Variants in PRR16 observed in about 807,000 individuals in gnomAD.
PRR16 encodes the protein protein Largen.
Under a neutral mutation model 18.2 loss-of-function variants are expected in PRR16, and 6 were observed. That is an observed-to-expected ratio of 0.33 (90% CI 0.18 to 0.65). The LOEUF (loss-of-function observed/expected upper bound fraction) is 0.65, where lower values mean the gene tolerates loss of function less well. PRR16 is among the 30% of genes least tolerant of loss of function. The pLI, the probability that PRR16 is intolerant of heterozygous loss-of-function variation, is 0.74. For synonymous variants in PRR16, 151 were observed against 147.8 expected, an observed-to-expected ratio of 1.02 and a Z score of -0.16; for missense variants, 412 against 376.6, an observed-to-expected ratio of 1.09 and a Z score of -0.78.
chr5:120,539,870 G>T (rs13165484), intron 1 of PRR16, among the ~76,000 whole-genome samples: 4 of 151,864 alleles, frequency 2.6e-5, no homozygotes, highest in African/African-American at 9.7e-5. Flanking sequence ...TAGTTAACAT[G>T]TGTAATGGTA....
chr5:120,509,908 C>T (rs1472820278), intron 1 of PRR16, among the ~76,000 whole-genome samples: 1 of 151,926 alleles, frequency 6.6e-6, no homozygotes, highest in Non-Finnish European at 1.5e-5. Flanking sequence ...TTTTCTGCGA[C>T]GTGATCCCAA....
intron 1 of PRR16, among the ~76,000 whole-genome samples, chr5:120,545,939 A>G (rs956528168): frequency 1.3e-5 from 2 of 152,062 alleles, no homozygotes; most frequent in Admixed American, 1.3e-4. Context: ...TTTTGTATTG[A>G]TTTTGATAGC....
chr5:120,749,606 A>G, the PRR16 span, among the ~76,000 whole-genome samples: 1 of 152,112 alleles, frequency 6.6e-6, no homozygotes, highest in African/African-American at 2.4e-5. Flanking sequence ...GGCATTTTCA[A>G]TCTCTTTGCA....
chr5:120,474,527 T>A (rs940701792), intron 1 of PRR16, among the ~76,000 whole-genome samples: 1 of 152,160 alleles, frequency 6.6e-6, no homozygotes, highest in Non-Finnish European at 1.5e-5. Context: ...CCTTTTTCTT[T>A]CTTTATGCTT....
At chr5:120,613,930 G>A (rs548022141) in intron 1 of PRR16, among the ~76,000 whole-genome samples, 21 of 152,302 alleles carry the variant, frequency 1.4e-4, no homozygotes, top group African/African-American at 4.8e-4. Context: ...AGATGAGTAA[G>A]AGGTTATTAA....
intron 1 of PRR16, among the ~76,000 whole-genome samples, chr5:120,592,137 T>C (rs1193458410): frequency 6.6e-6 from 1 of 152,174 alleles, no homozygotes; most frequent in Non-Finnish European, 1.5e-5. Flanking sequence ...AGTTTTGCCA[T>C]ACATAATGAT....
chr5:120,614,513 A>G (rs1754443281), intron 1 of PRR16, among the ~76,000 whole-genome samples: 1 of 152,216 alleles, frequency 6.6e-6, no homozygotes, highest in Admixed American at 6.5e-5. Flanking sequence ...TACTTTGGAT[A>G]ATTGAAAACA....
At chr5:120,620,213 A>G (rs925389760) in intron 1 of PRR16, among the ~76,000 whole-genome samples, 1 of 152,194 alleles carries the variant, frequency 6.6e-6, no homozygotes, top group Non-Finnish European at 1.5e-5. Context: ...CATAGTGCAT[A>G]AAATTAATCT....
the PRR16 span, among the ~76,000 whole-genome samples, chr5:120,770,443 A>C: frequency 8.5e-5 from 13 of 152,150 alleles, no homozygotes; most frequent in African/African-American, 1.7e-4. Flanking sequence ...TGAAGACATA[A>C]ACATAAGGTC....
chr5:120,660,703 C>T (rs2150138158), intron 1 of PRR16, among the ~76,000 whole-genome samples: 2 of 152,078 alleles, frequency 1.3e-5, no homozygotes, highest in Middle Eastern at 3.4e-3. Context: ...CTTATCTTTC[C>T]TGTTGCTTTT....
the PRR16 span, among the ~76,000 whole-genome samples, chr5:120,776,859 A>C: frequency 6.6e-6 from 1 of 152,074 alleles, no homozygotes; most frequent in Non-Finnish European, 1.5e-5. Context: ...TCTGACCGTA[A>C]TTCTTATTAT....
the PRR16 span, among the ~76,000 whole-genome samples, chr5:120,703,599 A>G: frequency 1.3e-5 from 2 of 152,248 alleles, no homozygotes; most frequent in East Asian, 3.9e-4. Flanking sequence ...GAACAATCAG[A>G]TGTAAAGTGC....
At chr5:120,567,042 T>C (rs183439292) in intron 1 of PRR16, among the ~76,000 whole-genome samples, 209 of 152,318 alleles carry the variant, frequency 1.4e-3, no homozygotes, top group African/African-American at 4.7e-3. Flanking sequence ...GCAGTTTGTC[T>C]TGGGCCCTTC....
intron 1 of PRR16, among the ~76,000 whole-genome samples, chr5:120,668,797 G>T (rs1051570440): frequency 1.8e-4 from 28 of 152,030 alleles, no homozygotes; most frequent in African/African-American, 6.0e-4. Flanking sequence ...CTCTCTTCTG[G>T]CTTGTAGAGT....
the PRR16 span, among the ~76,000 whole-genome samples, chr5:120,720,243 T>A: frequency 1.3e-5 from 2 of 152,018 alleles, no homozygotes; most frequent in African/African-American, 4.8e-5. Flanking sequence ...TACCTTAATG[T>A]CCCTACTTAT....
the PRR16 span, among the ~76,000 whole-genome samples, chr5:120,757,761 G>A: frequency 6.6e-6 from 1 of 151,912 alleles, no homozygotes; most frequent in Non-Finnish European, 1.5e-5. Context: ...TGTAACTAAT[G>A]GCAAATATAA....
the PRR16 span, among the ~76,000 whole-genome samples, chr5:120,707,978 G>A: frequency 3.9e-5 from 6 of 152,020 alleles, no homozygotes; most frequent in Non-Finnish European, 8.8e-5. Flanking sequence ...GTTACTGTTT[G>A]GTTTTTAGCT....
chr5:120,740,212 C>T, the PRR16 span, among the ~76,000 whole-genome samples: 1 of 152,148 alleles, frequency 6.6e-6, no homozygotes, highest in Non-Finnish European at 1.5e-5. Flanking sequence ...GTTCATTTCT[C>T]TTCTCTTCTT....
chr5:120,537,977 C>T (rs948587618), intron 1 of PRR16, among the ~76,000 whole-genome samples: 7 of 151,472 alleles, frequency 4.6e-5, no homozygotes, highest in South Asian at 2.1e-4. Context: ...GGGGTTTCAC[C>T]GTTTTAGCCG....
Sources: gnomAD v4.1 joint callset for allele counts (sites outside exome capture counted in the v4.1 genomes callset) on GRCh38, gnomAD v4.1.1 for gene constraint, MANE v1.5 for transcripts, NCBI Gene and HGNC (gene_info 2026-07-23, HGNC 2026-07-21) for gene names.